The following TREM1 variants were observed in gnomAD, a reference collection of about 807,000 sequenced individuals.
TREM1 encodes the protein triggering receptor expressed on myeloid cells 1, also known as triggering receptor expressed on monocytes 1.
A neutral mutation model predicts 22.4 loss-of-function variants in TREM1; 16 were observed. That is an observed-to-expected ratio of 0.71 (90% CI 0.48 to 1.08). The LOEUF is 1.08. Among genes scored for constraint, TREM1 ranks in the 50% least tolerant of loss-of-function variants. The probability of loss-of-function intolerance (pLI) is 0.00; values close to 1 mark genes in which losing one functional copy is unlikely to be tolerated. For synonymous variants in TREM1, 110 were observed against 111.6 expected, an observed-to-expected ratio of 0.99 and a Z score of 0.09; for missense variants, 283 against 282.9, an observed-to-expected ratio of 1.00 and a Z score of 0.00.
intron 2 of TREM1, 76 bp from the exon 3 acceptor site, chr6:41,281,229 T>C: frequency 2.7e-6 from 4 of 1,481,690 alleles, no homozygotes; most frequent in Non-Finnish European, 2.7e-6. Context: ...AATGGATGTA[T>C]GGATGTATGG....
chr6:41,276,971 T>C (rs1303433340), intron 3 of TREM1, among the ~76,000 whole-genome samples: 1 of 152,090 alleles, frequency 6.6e-6, no homozygotes, highest in Non-Finnish European at 1.5e-5. Flanking sequence ...GTAAATAGTC[T>C]TGCAGTATCT....
At position 41,268,009 on chromosome 6, in the gene TREM1, G is replaced by C. The variant is rs373247477; in HGVS notation, c.679C>G (p.Arg227Gly). 5.7e-4 allele frequency: 226 copies of C among 398,612 alleles called. 2 individuals carry two copies. The East Asian group carries it at 6.0e-3, about 11-fold the overall frequency. The allele number at this position is 398,612 out of a possible 1,614,324, so 24.7% of individuals were successfully genotyped here. The change falls in exon 4 of 4, where the codon CGG becomes GGG. Residue 227 changes from arginine (R) to glycine (G), a missense_variant. Arg to Gly is a moderately radical substitution (Grantham distance 125, BLOSUM62 -2). Coordinates refer to the TREM1 transcript ENST00000589614. ...GCCTGGGAGAAGAACTGACTTATCC[G>C]AAAGTGCCCAGTGTGCAGTGGTGGG...
intron 3 of TREM1, among the ~76,000 whole-genome samples, chr6:41,279,089 G>A (rs139664469): frequency 6.0e-4 from 91 of 152,236 alleles, no homozygotes; most frequent in Admixed American, 3.5e-3. Flanking sequence ...CTTCCACCAC[G>A]TCTCAGCTGG....
chr6:41,276,095 G>A lies in TREM1; in HGVS notation c.*30C>T, dbSNP rs748849186. On this transcript the variant is annotated 3_prime_UTR_variant, in exon 4 of 4. Coordinates refer to ENST00000244709, the MANE Select transcript of TREM1 (RefSeq NM_018643.5). ...AACTGCCAGATGGATGTGGCTGGAA[G>A]TCAGAGGACATTCTCGTGGGTTCGT... 144 of 1,565,658 alleles carry A rather than the reference G, an allele frequency of 9.2e-5. No individual in the cohort carries two copies. Among genetic ancestry groups the A allele is most frequent in the Non-Finnish European group, 1.2e-4 (138 of 1,135,998 alleles).
downstream of TREM1, among the ~76,000 whole-genome samples, chr6:41,272,725 T>C (rs1051995308): frequency 6.6e-6 from 1 of 152,158 alleles, no homozygotes; most frequent in Non-Finnish European, 1.5e-5. Flanking sequence ...GTACCAGGTA[T>C]GGGCTTCCCT....
Position 41,282,633 on chromosome 6 carries a change from C to G in TREM1, c.168G>C (p.Gln56His), listed in dbSNP as rs1204815286. Residue 56 changes from glutamine (Q) to histidine (H), a missense_variant, in exon 2 of 4, where the codon CAG becomes CAC. Coordinates refer to ENST00000244709, the MANE Select transcript of TREM1 (RefSeq NM_018643.5). The part of the protein sequence containing the change: ...EKFASSQKAW[Q>H]IIRDGEMPKT... ...TGGGCATCTCTCCGTCCCTTATTATCTGCCAAGCTTTCTGGCTGCTGGCAA... is the reference window on the plus strand; with the variant it reads ...TGGGCATCTCTCCGTCCCTTATTATGTGCCAAGCTTTCTGGCTGCTGGCAA... The G allele has an allele frequency of 2.5e-6, 4 of 1,614,116 alleles. No individual in the cohort carries two copies. In the African/African-American group the frequency reaches 5.3e-5, roughly 22 times the overall value.
At chr6:41,277,907 CTT>C (rs11341322) in intron 3 of TREM1, among the ~76,000 whole-genome samples, 24,155 of 111,112 alleles carry the variant, frequency 0.22, 2,677 homozygotes, top group Admixed American at 0.31. Flanking sequence ...TTCTTTTTGT[CTT>C]TTTTTTTTTT....
intron 3 of TREM1, among the ~76,000 whole-genome samples, chr6:41,278,558 A>G (rs1232742759): frequency 6.6e-6 from 1 of 151,908 alleles, no homozygotes; most frequent in Admixed American, 6.6e-5. Flanking sequence ...CTGTGGTCCC[A>G]GCTACTTGGG....
downstream of TREM1, among the ~76,000 whole-genome samples, chr6:41,273,571 T>A (rs1767551008): frequency 6.6e-6 from 1 of 152,230 alleles, no homozygotes; most frequent in Non-Finnish European, 1.5e-5. Flanking sequence ...ATTGTATCAG[T>A]CAAGATAACA....
downstream of TREM1, among the ~76,000 whole-genome samples, chr6:41,272,771 A>C (rs1396066475): frequency 6.6e-6 from 1 of 152,152 alleles, no homozygotes; most frequent in Non-Finnish European, 1.5e-5. Context: ...TGGAGACCCC[A>C]GTTATAACAG....
intron 1 of TREM1, among the ~76,000 whole-genome samples, chr6:41,284,165 C>T (rs1000553561): frequency 5.3e-5 from 8 of 151,998 alleles, no homozygotes; most frequent in South Asian, 2.1e-4. Context: ...TTTTGCTCCC[C>T]GCCACAACTC....
rs1271734260 is a variant in TREM1 at position 41,268,187 on chromosome 6, T to C, written c.600-99A>G. On this transcript the variant is annotated intron_variant, in intron 3 of 3. Transcript: ENST00000589614. Reference sequence around the variant, plus strand: ...CATCCTTTATGGTCCCTCTGCAACATCAGAAATTCCCTTAGACAAGAACAA... The same window carrying C: ...CATCCTTTATGGTCCCTCTGCAACACCAGAAATTCCCTTAGACAAGAACAA... 4 of 397,494 alleles carry C rather than the reference T, an allele frequency of 1.0e-5. 1 individual carries two copies. The highest frequency in any genetic ancestry group is 1.4e-4 in the South Asian group (1 of 7,272). The allele number at this position is 397,494 out of a possible 1,614,324, so 24.6% of individuals were successfully genotyped here.
chr6:41,268,150 C>A, intron 3 of TREM1: 2 of 398,292 alleles, frequency 5.0e-6, no homozygotes, highest in Non-Finnish European at 8.9e-6. Context: ...TAGGCAAGGA[C>A]GTTTCACTTG....
chr6:41,280,269 CTG>C, intron 3 of TREM1: 1 of 980,006 alleles, frequency 1.0e-6, no homozygotes, highest in Non-Finnish European at 1.2e-6. Flanking sequence ...CATTTAATAA[CTG>C]TAAAGAGGTG....
chr6:41,268,622 C>G (rs1243157695), downstream of TREM1, among the ~76,000 whole-genome samples: 1 of 152,126 alleles, frequency 6.6e-6, no homozygotes, highest in Non-Finnish European at 1.5e-5. Flanking sequence ...GCCCCACTGC[C>G]AGGGGTTTAC....
At chr6:41,284,162 C>T (rs1185341811) in intron 1 of TREM1, among the ~76,000 whole-genome samples, 2 of 152,036 alleles carry the variant, frequency 1.3e-5, no homozygotes, top group Non-Finnish European at 2.9e-5. Context: ...AATTTTTGCT[C>T]CCCGCCACAA....
At chr6:41,286,234 C>G (rs1195760554) in intron 1 of TREM1, among the ~76,000 whole-genome samples, 2 of 152,170 alleles carry the variant, frequency 1.3e-5, no homozygotes, top group Non-Finnish European at 2.9e-5. Context: ...TCAATTCTGT[C>G]TTTTGGGTTT....
Position 41,280,003 on chromosome 6 carries a change from A to G in TREM1, c.599+958T>C, listed in dbSNP as rs959694429. The G allele has an allele frequency of 1.7e-5, 17 of 980,206 alleles. No individual in the cohort carries two copies. In the African/African-American group the frequency reaches 2.6e-4, roughly 15 times the overall value. 60.7% of individuals were successfully genotyped at this position (980,206 alleles called of 1,614,324 possible). ...GGTTATGTAAGTTATGGCTTTCCCA[A>G]TTGATAGAAAAATATGCACTCATTG... On this transcript the variant is annotated intron_variant, in intron 3 of 3. Coordinates refer to ENST00000244709, the MANE Select transcript of TREM1 (RefSeq NM_018643.5).
chr6:41,270,803 A>C (rs1767461719), downstream of TREM1, among the ~76,000 whole-genome samples: 1 of 152,240 alleles, frequency 6.6e-6, no homozygotes, highest in African/African-American at 2.4e-5. Context: ...TTCTGGGTTC[A>C]AGTGATCCTC....
Sources: gnomAD v4.1 joint callset for allele counts (sites outside exome capture counted in the v4.1 genomes callset) on GRCh38, gnomAD v4.1.1 for gene constraint, MANE v1.5 for transcripts, NCBI Gene and HGNC (gene_info 2026-07-23, HGNC 2026-07-21) for gene names.